Variants in PARD3B observed in about 807,000 individuals in gnomAD.
PARD3B encodes the protein par-3 family cell polarity regulator beta, also known as partitioning defective 3 homolog B.
Under a neutral mutation model 130.2 loss-of-function variants are expected in PARD3B, and 103 were observed. The ratio of observed to expected loss-of-function variants is 0.79; its 90% confidence interval spans 0.67 to 0.93. The LOEUF (loss-of-function observed/expected upper bound fraction) is 0.93, where lower values mean the gene tolerates loss of function less well. Ranked by LOEUF, PARD3B falls within the 40% of genes least tolerant of loss-of-function variation. The probability of loss-of-function intolerance (pLI) is 0.00; values close to 1 mark genes in which losing one functional copy is unlikely to be tolerated. For missense variants in PARD3B, 1,609 were observed against 1,499.2 expected, an observed-to-expected ratio of 1.07 and a Z score of -1.21; for synonymous variants, 583 against 553.2, an observed-to-expected ratio of 1.05 and a Z score of -0.76.
chr2:204,970,729 A>G (rs1052149916), intron 3 of PARD3B, among the ~76,000 whole-genome samples: 2 of 152,242 alleles, frequency 1.3e-5, no homozygotes, highest in Admixed American at 6.5e-5. Flanking sequence ...TAATTTAAAT[A>G]GTTTTTCAGG....
At chr2:204,978,210 T>G (rs1692358817) in intron 3 of PARD3B, among the ~76,000 whole-genome samples, 1 of 152,152 alleles carries the variant, frequency 6.6e-6, no homozygotes, top group Non-Finnish European at 1.5e-5. Flanking sequence ...CACAAACATC[T>G]AGTCTGTGTG....
Position 205,125,828 on chromosome 2 carries a change from C to T in PARD3B, c.1434+91C>T. Reference sequence around the variant, plus strand: ...TATAGCTGAGAAACGAGTTCTAAATCACAGGCTTCATTCATAACCAAAATT... The same window carrying T: ...TATAGCTGAGAAACGAGTTCTAAATTACAGGCTTCATTCATAACCAAAATT... On this transcript the variant is annotated intron_variant, in intron 10 of 22. Coordinates refer to ENST00000406610, the MANE Select transcript of PARD3B (RefSeq NM_001302769.2). This position sits in a 1 kb window ranked among gnomAD's most constrained non-coding sequence, Gnocchi z 4.0. 1 of 1,495,000 alleles carries T rather than the reference C, an allele frequency of 6.7e-7. No individual in the cohort carries two copies. Among genetic ancestry groups the T allele is most frequent in the African/African-American group, 1.4e-5 (1 of 72,072 alleles). 92.6% of individuals were successfully genotyped at this position (1,495,000 alleles called of 1,614,324 possible). A position where few individuals can be genotyped will look rare whatever the true frequency, so the allele number is the denominator to read the frequency against.
chr2:204,574,802 C>A (rs912606012), intron 1 of PARD3B, among the ~76,000 whole-genome samples: 1 of 152,174 alleles, frequency 6.6e-6, no homozygotes, highest in Non-Finnish European at 1.5e-5. Context: ...TGAGCAGGTC[C>A]AGCTATGGTA....
At chr2:204,881,877 T>C (rs939409526) in intron 2 of PARD3B, among the ~76,000 whole-genome samples, 2 of 152,242 alleles carry the variant, frequency 1.3e-5, no homozygotes, top group African/African-American at 4.8e-5. Context: ...GCTTTTGCAC[T>C]GTCCCTGAAT....
chr2:204,970,747 G>A (rs755988925), intron 3 of PARD3B, among the ~76,000 whole-genome samples: 2 of 152,168 alleles, frequency 1.3e-5, no homozygotes, highest in Non-Finnish European at 2.9e-5. Context: ...AGGATAAAAA[G>A]TACTTTAAAC....
chr2:204,655,274 A>T (rs2035603994), intron 1 of PARD3B, among the ~76,000 whole-genome samples: 1 of 152,176 alleles, frequency 6.6e-6, no homozygotes, highest in African/African-American at 2.4e-5. Flanking sequence ...TCAGTGCTTC[A>T]GTCAGCTGAT....
At chr2:205,401,912 G>A (rs376665513) in intron 19 of PARD3B, among the ~76,000 whole-genome samples, 3 of 152,170 alleles carry the variant, frequency 2.0e-5, no homozygotes, top group Non-Finnish European at 4.4e-5. Context: ...TGACTTCATC[G>A]TGTATGTACT....
At chr2:205,537,555 C>T (rs1192282982) in intron 21 of PARD3B, among the ~76,000 whole-genome samples, 8 of 152,134 alleles carry the variant, frequency 5.3e-5, no homozygotes, top group Admixed American at 5.2e-4. Context: ...AATGAAGGGG[C>T]CTTCCACCAG....
At chr2:204,837,422 C>CTT (rs201988854) in intron 2 of PARD3B, among the ~76,000 whole-genome samples, 43 of 140,132 alleles carry the variant, frequency 3.1e-4, no homozygotes, top group African/African-American at 1.0e-3. Flanking sequence ...ATAAAAATTA[C>CTT]TTTTTTTTTT....
intron 2 of PARD3B, among the ~76,000 whole-genome samples, chr2:204,713,621 G>C (rs1465442025): frequency 6.6e-6 from 1 of 151,796 alleles, no homozygotes; most frequent in Non-Finnish European, 1.5e-5. Flanking sequence ...TTTGAATTTG[G>C]CTATTCTAAG....
intron 19 of PARD3B, among the ~76,000 whole-genome samples, chr2:205,403,076 ACT>A (rs2046307044): frequency 6.6e-6 from 1 of 151,894 alleles, no homozygotes; most frequent in Non-Finnish European, 1.5e-5. Flanking sequence ...CGAGTGTATC[ACT>A]CTTCATGATA....
intron 15 of PARD3B, among the ~76,000 whole-genome samples, chr2:205,231,575 G>C (rs1348818492): frequency 1.3e-5 from 2 of 150,650 alleles, no homozygotes; most frequent in African/African-American, 4.9e-5. Context: ...GGACTCAAGT[G>C]ATCCACCTAC....
chr2:205,241,785 C>G lies in PARD3B; in HGVS notation c.2141-3993C>G, dbSNP rs957769136. 1.3e-5 allele frequency among the ~76,000 whole-genome samples: 2 copies of G among 152,236 alleles called. No individual in the cohort carries two copies. Among genetic ancestry groups the G allele is most frequent in the East Asian group, 3.9e-4 (2 of 5,180 alleles). ...AATAAGTCCTTTGTTTAAAATGACA[C>G]ACCTGTCACATTTCATATCACTACC... is the stretch of plus-strand genomic sequence containing the variant. On this transcript the variant is annotated intron_variant, in intron 15 of 22. Transcript: ENST00000406610. The surrounding 1 kb of genome is among the most constrained non-coding windows in gnomAD (Gnocchi z 4.2).
chr2:205,126,033 G>A (rs760131205), intron 10 of PARD3B, among the ~76,000 whole-genome samples: 2 of 152,168 alleles, frequency 1.3e-5, no homozygotes, highest in African/African-American at 2.4e-5. Flanking sequence ...TGTGCTACGT[G>A]CGAAGCCCTA....
At chr2:204,877,537 C>T (rs1438046757) in intron 2 of PARD3B, among the ~76,000 whole-genome samples, 5 of 152,140 alleles carry the variant, frequency 3.3e-5, no homozygotes, top group African/African-American at 1.2e-4. Flanking sequence ...CTATAAGGTC[C>T]TGGAACCAAT....
intron 19 of PARD3B, among the ~76,000 whole-genome samples, chr2:205,401,909 A>G (rs895223406): frequency 5.3e-5 from 8 of 152,232 alleles, no homozygotes; most frequent in African/African-American, 1.9e-4. Flanking sequence ...TTCTGACTTC[A>G]TCGTGTATGT....
intron 15 of PARD3B, among the ~76,000 whole-genome samples, chr2:205,221,352 C>T (rs536165946): frequency 1.3e-5 from 2 of 152,250 alleles, no homozygotes; most frequent in South Asian, 4.1e-4. Context: ...AAACATTCAT[C>T]GGATGGAGAT....
rs547098833 is a variant in PARD3B, at chr2:204,956,930, G to A, written c.223-8222G>A. Among the ~76,000 whole-genome samples the A allele has an allele frequency of 3.3e-5, 5 of 152,234 alleles. No homozygotes were observed. In the South Asian group the frequency reaches 1.0e-3, roughly 32 times the overall value. On this transcript the variant is annotated intron_variant, in intron 2 of 22. Transcript: ENST00000406610. ...AGTTAATCCCTAGATATCTCTAGGA[G>A]AAGGGCTTCATGGATGCCACTTGAC...
At chr2:204,961,436 G>A (rs1690738073) in intron 2 of PARD3B, among the ~76,000 whole-genome samples, 1 of 152,168 alleles carries the variant, frequency 6.6e-6, no homozygotes, top group East Asian at 1.9e-4. Context: ...TTAGAAGGAT[G>A]AATTGCCATT....
Sources: allele counts gnomAD v4.1 joint callset (sites outside exome capture counted in the v4.1 genomes callset), GRCh38; gene constraint gnomAD v4.1.1; non-coding constraint Gnocchi (gnomAD v3.1); transcripts MANE v1.5; gene names NCBI Gene and HGNC (gene_info 2026-07-23, HGNC 2026-07-21).